The following ADGRL2 variants were observed in gnomAD, a reference collection of about 807,000 sequenced individuals.
The protein encoded by ADGRL2 is adhesion G protein-coupled receptor L2.
Under a neutral mutation model 157.4 loss-of-function variants are expected in ADGRL2, and 44 were observed. The observed-to-expected ratio is 0.28, with a 90% CI of 0.22 to 0.36. The LOEUF (loss-of-function observed/expected upper bound fraction) is 0.36, where lower values mean the gene tolerates loss of function less well. Among genes scored for constraint, ADGRL2 ranks in the 10% least tolerant of loss-of-function variants. The pLI is 1.00. For synonymous variants in ADGRL2, 585 were observed against 624.7 expected, an observed-to-expected ratio of 0.94 and a Z score of 0.95; for missense variants, 1,510 against 1,768.9, an observed-to-expected ratio of 0.85 and a Z score of 2.63.
intron 2 of ADGRL2, among the ~76,000 whole-genome samples, chr1:81,503,867 A>T (rs147584149): frequency 0.017 from 2,608 of 151,938 alleles, 64 homozygotes; most frequent in African/African-American, 0.06. Context: ...TTCTGCCATG[A>T]CCCCAGGGCC....
At chr1:81,605,378 C>T (rs1019394819) in intron 3 of ADGRL2, among the ~76,000 whole-genome samples, 4 of 152,192 alleles carry the variant, frequency 2.6e-5, no homozygotes, top group African/African-American at 9.6e-5. Flanking sequence ...CCAAACAAGA[C>T]AGTTATGGCC....
At chr1:81,316,754 C>G (rs1321008792) in intron 1 of ADGRL2, among the ~76,000 whole-genome samples, 1 of 152,144 alleles carries the variant, frequency 6.6e-6, no homozygotes, top group Non-Finnish European at 1.5e-5. Flanking sequence ...CAGAGACATT[C>G]TGATTTATGT....
At chr1:81,809,618 AC>A (rs939168362) in intron 1 of ADGRL2, among the ~76,000 whole-genome samples, 24 of 152,122 alleles carry the variant, frequency 1.6e-4, no homozygotes, top group African/African-American at 5.8e-4. Flanking sequence ...AGAAGGATGC[AC>A]CATGAGGTTC....
chr1:81,543,110 T>C (rs1337635516), intron 2 of ADGRL2, among the ~76,000 whole-genome samples: 1 of 152,186 alleles, frequency 6.6e-6, no homozygotes, highest in Non-Finnish European at 1.5e-5. Context: ...GGACTGTATT[T>C]CCACAATTAA....
At chr1:81,795,262 C>T (rs2087530747) in intron 2 of ADGRL2, among the ~76,000 whole-genome samples, 1 of 152,032 alleles carries the variant, frequency 6.6e-6, no homozygotes, top group African/African-American at 2.4e-5. Flanking sequence ...CATTTGTGGT[C>T]ACAGCTACTT....
chr1:81,940,478 T>G (rs1349891824), intron 4 of ADGRL2, among the ~76,000 whole-genome samples: 1 of 151,612 alleles, frequency 6.6e-6, no homozygotes, highest in East Asian at 1.9e-4. Context: ...GAATAACACA[T>G]TATAGAGCAA....
intron 2 of ADGRL2, among the ~76,000 whole-genome samples, chr1:81,512,602 A>G (rs1488952537): frequency 1.3e-5 from 2 of 152,186 alleles, no homozygotes; most frequent in Non-Finnish European, 2.9e-5. Flanking sequence ...TGACTATTAA[A>G]CAGGAAGTGA....
At chr1:81,841,823 A>G (rs984624268) in intron 2 of ADGRL2, among the ~76,000 whole-genome samples, 5 of 152,226 alleles carry the variant, frequency 3.3e-5, no homozygotes, top group South Asian at 2.1e-4. Flanking sequence ...CATAAATAGA[A>G]TAAATCTTTG....
At chr1:81,762,302 A>G (rs1557629155) in intron 2 of ADGRL2, among the ~76,000 whole-genome samples, 1 of 152,204 alleles carries the variant, frequency 6.6e-6, no homozygotes, top group Non-Finnish European at 1.5e-5. Flanking sequence ...GGGGCTTTGC[A>G]GCATCTGTGA....
chr1:81,472,695 A>G (rs760511963), intron 2 of ADGRL2, among the ~76,000 whole-genome samples: 7 of 152,348 alleles, frequency 4.6e-5, no homozygotes, highest in African/African-American at 9.6e-5. Flanking sequence ...TCTAGTCTGT[A>G]TATCTCTTGT....
At position 81,632,419 on chromosome 1, in the gene ADGRL2, A is replaced by C. The variant is rs868116728; in HGVS notation, c.-143+51439A>C. The stretch of plus-strand genomic sequence containing the variant: ...AAGAAAATTTCAAACAGAGGGAAGA[A>C]GGGCAAAGGCTCTGAGTGTGCAGCT... On this transcript the variant is annotated intron_variant, in intron 3 of 24. Transcript: ENST00000370721. Among the ~76,000 whole-genome samples, 8 of 152,172 alleles carry C rather than the reference A, an allele frequency of 5.3e-5. No homozygotes were observed. The South Asian group carries it at 1.7e-3, about 31-fold the overall frequency.
At chr1:81,370,791 T>A (rs2076148824) in intron 1 of ADGRL2, among the ~76,000 whole-genome samples, 1 of 152,188 alleles carries the variant, frequency 6.6e-6, no homozygotes, top group African/African-American at 2.4e-5. Flanking sequence ...CATGTGCTTT[T>A]AAAAATCTTC....
chr1:81,824,894 A>G (rs1430104669), intron 1 of ADGRL2, among the ~76,000 whole-genome samples: 1 of 149,774 alleles, frequency 6.7e-6, no homozygotes, highest in Non-Finnish European at 1.5e-5. Context: ...TGAATTAAGT[A>G]TTTTTGAAGT....
At chr1:81,467,069 C>T (rs968127997) in intron 2 of ADGRL2, among the ~76,000 whole-genome samples, 3 of 150,858 alleles carry the variant, frequency 2.0e-5, no homozygotes, top group Non-Finnish European at 4.4e-5. Flanking sequence ...AGAAAAAAAA[C>T]GACTGGAAGA....
At chr1:81,453,831 A>T (rs562352518) in intron 2 of ADGRL2, among the ~76,000 whole-genome samples, 1 of 152,318 alleles carries the variant, frequency 6.6e-6, no homozygotes, top group Admixed American at 6.5e-5. Context: ...AAAACACATA[A>T]ATGTTCTCAT....
rs181400965 is a variant in ADGRL2 at position 81,559,231 on chromosome 1, T to G, written c.-247-21645T>G. On this transcript the variant is annotated intron_variant, in intron 2 of 24. Transcript: ENST00000370721. ...GATGGAATTAATAACCAGTCCTGCT[T>G]TCTTTAAAATATCTTAAGGATAAGT... 5.9e-5 allele frequency among the ~76,000 whole-genome samples: 9 copies of G among 152,280 alleles called. No individual in the cohort carries two copies. The East Asian group carries it at 1.7e-3, about 29-fold the overall frequency.
At chr1:81,592,286 T>C (rs2081147822) in intron 3 of ADGRL2, among the ~76,000 whole-genome samples, 1 of 152,234 alleles carries the variant, frequency 6.6e-6, no homozygotes, top group African/African-American at 2.4e-5. Flanking sequence ...TTTTAGGCTT[T>C]GAGATCATAT....
chr1:81,974,795 T>C (rs1659701342), intron 17 of ADGRL2, among the ~76,000 whole-genome samples: 1 of 152,128 alleles, frequency 6.6e-6, no homozygotes, highest in Non-Finnish European at 1.5e-5. Context: ...AAAATTTCTT[T>C]GTATTTTTAT....
chr1:81,854,629 G>C (rs2093138656), intron 2 of ADGRL2, among the ~76,000 whole-genome samples: 2 of 152,122 alleles, frequency 1.3e-5, no homozygotes, highest in Non-Finnish European at 2.9e-5. Context: ...AGTGTGCTAG[G>C]TATGGGTATT....
Sources: gnomAD v4.1 joint callset for allele counts (sites outside exome capture counted in the v4.1 genomes callset) on GRCh38, gnomAD v4.1.1 for gene constraint, MANE v1.5 for transcripts, NCBI Gene and HGNC (gene_info 2026-07-23, HGNC 2026-07-21) for gene names.